STAC: variants seen among roughly 807,000 people sequenced by gnomAD.
The protein encoded by STAC is SH3 and cysteine-rich domain-containing protein.
STAC carries 43 observed loss-of-function variants against 48.8 expected under a neutral mutation model. That is an observed-to-expected ratio of 0.88 (90% CI 0.69 to 1.14). The LOEUF is 1.14. Among genes scored for constraint, STAC ranks in the 50% most tolerant of loss-of-function variants. The pLI, the probability that STAC is intolerant of heterozygous loss-of-function variation, is 0.00. For synonymous variants in STAC, 193 were observed against 179.5 expected (o/e 1.07, Z -0.60); for missense variants, 497 against 504.0 (o/e 0.99, Z 0.13).
chr3:36,452,733 A>T (rs949708162), intron 2 of STAC, among the ~76,000 whole-genome samples: 1 of 152,200 alleles, frequency 6.6e-6, no homozygotes, highest in Admixed American at 6.5e-5. Context: ...CCCTATACTG[A>T]TATCTGGGAA....
intron 1 of STAC, among the ~76,000 whole-genome samples, chr3:36,382,195 G>C (rs1012836934): frequency 1.3e-5 from 2 of 152,192 alleles, no homozygotes. Context: ...TCAGTCCCCA[G>C]AGTGATATAG....
At position 36,444,823 on chromosome 3, in the gene STAC, A is replaced by G. The variant is rs560162659; in HGVS notation, c.388+1183A>G. ...GAGTCTGCTAAGTCTTGGCGCTCCC[A>G]CCCTTCTACTTCACATCTCCATACG... On this transcript the variant is annotated intron_variant, in intron 2 of 10. Coordinates refer to ENST00000273183, the MANE Select transcript of STAC (RefSeq NM_003149.3). 2.0e-5 allele frequency among the ~76,000 whole-genome samples: 3 copies of G among 152,040 alleles called. No homozygotes were observed. In the South Asian group the frequency reaches 6.2e-4, roughly 32 times the overall value.
At chr3:36,396,387 T>C (rs924541689) in intron 1 of STAC, among the ~76,000 whole-genome samples, 1 of 152,180 alleles carries the variant, frequency 6.6e-6, no homozygotes, top group Admixed American at 6.5e-5. Context: ...CAATAAATCT[T>C]TTACATCAGA....
chr3:36,499,740 T>C (rs1698236779), intron 6 of STAC, among the ~76,000 whole-genome samples: 1 of 151,794 alleles, frequency 6.6e-6, no homozygotes, highest in South Asian at 2.1e-4. Context: ...CATAAGGATG[T>C]AGAAAATTTA....
chr3:36,406,997 A>G (rs1700098825), intron 1 of STAC, among the ~76,000 whole-genome samples: 2 of 152,214 alleles, frequency 1.3e-5, no homozygotes, highest in African/African-American at 2.4e-5. Flanking sequence ...CAAATGGATT[A>G]ACCGCTCTAA....
intron 2 of STAC, among the ~76,000 whole-genome samples, chr3:36,476,126 T>C (rs1697485992): frequency 1.3e-5 from 2 of 152,222 alleles, no homozygotes; most frequent in South Asian, 4.1e-4. Flanking sequence ...GGCCTGGACA[T>C]TTGTCCTGCC....
At chr3:36,530,850 G>A (rs1010221221) in intron 10 of STAC, among the ~76,000 whole-genome samples, 2 of 151,700 alleles carry the variant, frequency 1.3e-5, no homozygotes, top group African/African-American at 4.8e-5. Flanking sequence ...CACCCGCCTC[G>A]GCCTCCCAAA....
At chr3:36,384,704 A>G (rs1270786385) in intron 1 of STAC, among the ~76,000 whole-genome samples, 1 of 152,130 alleles carries the variant, frequency 6.6e-6, no homozygotes, top group Non-Finnish European at 1.5e-5. Context: ...ACATAGACTC[A>G]CCAGCATGTG....
intron 2 of STAC, among the ~76,000 whole-genome samples, chr3:36,452,020 C>T (rs1200702960): frequency 6.6e-6 from 1 of 152,112 alleles, no homozygotes; most frequent in East Asian, 1.9e-4. Flanking sequence ...GCATTGTTTC[C>T]CTGTCTGCTT....
At chr3:36,465,956 A>C (rs1697157833) in intron 2 of STAC, among the ~76,000 whole-genome samples, 1 of 152,154 alleles carries the variant, frequency 6.6e-6, no homozygotes, top group South Asian at 2.1e-4. Context: ...CCCAGGATTA[A>C]TACTTTGTAT....
intron 1 of STAC, among the ~76,000 whole-genome samples, chr3:36,405,412 C>T (rs899287030): frequency 5.9e-5 from 9 of 152,110 alleles, no homozygotes; most frequent in African/African-American, 7.2e-5. Context: ...CAGGAGTTCC[C>T]GAAGACACAC....
At chr3:36,390,164 A>G (rs1211779971) in intron 1 of STAC, among the ~76,000 whole-genome samples, 1 of 152,080 alleles carries the variant, frequency 6.6e-6, no homozygotes, top group Admixed American at 6.6e-5. Context: ...ACCACTAGCC[A>G]CTCTAGAAGC....
intron 1 of STAC, among the ~76,000 whole-genome samples, chr3:36,402,636 C>T (rs543055792): frequency 2.0e-4 from 31 of 152,154 alleles, no homozygotes; most frequent in African/African-American, 7.0e-4. Flanking sequence ...TAATTCTAGA[C>T]TTCAAAAGTT....
intron 1 of STAC, among the ~76,000 whole-genome samples, chr3:36,385,349 T>C (rs1699593451): frequency 6.6e-6 from 1 of 152,142 alleles, no homozygotes; most frequent in East Asian, 1.9e-4. Flanking sequence ...TATTAAAATA[T>C]ACATTCCAAT....
At chr3:36,448,297 C>T (rs1208677369) in intron 2 of STAC, among the ~76,000 whole-genome samples, 4 of 152,120 alleles carry the variant, frequency 2.6e-5, no homozygotes, top group African/African-American at 9.7e-5. Context: ...TCTCAGCTCA[C>T]TGCAACCTCC....
At chr3:36,449,819 A>G (rs1232342055) in intron 2 of STAC, among the ~76,000 whole-genome samples, 2 of 152,220 alleles carry the variant, frequency 1.3e-5, no homozygotes, top group Non-Finnish European at 2.9e-5. Context: ...GTGTCATCTT[A>G]AAAAATCCTT....
chr3:36,387,983 C>A (rs1238517683), intron 1 of STAC, among the ~76,000 whole-genome samples: 1 of 152,098 alleles, frequency 6.6e-6, no homozygotes, highest in Non-Finnish European at 1.5e-5. Context: ...TTCTCTGCAT[C>A]CTCACCAATA....
chr3:36,535,479 T>A (rs138301944), intron 10 of STAC, among the ~76,000 whole-genome samples: 4,526 of 152,280 alleles, frequency 0.03, 250 homozygotes, highest in African/African-American at 0.1. Flanking sequence ...TCTTGCCTGA[T>A]TGCCCTGGCC....
intron 2 of STAC, among the ~76,000 whole-genome samples, chr3:36,458,623 C>A (rs1696916735): frequency 6.6e-6 from 1 of 152,082 alleles, no homozygotes; most frequent in Admixed American, 6.5e-5. Context: ...CTTCTCTGAG[C>A]CCTAGTTTAT....
Sources: allele counts gnomAD v4.1 joint callset (sites outside exome capture counted in the v4.1 genomes callset), GRCh38; gene constraint gnomAD v4.1.1; transcripts MANE v1.5; gene names NCBI Gene and HGNC (gene_info 2026-07-23, HGNC 2026-07-21).